The following TTC19 variants were observed in gnomAD, a reference collection of about 807,000 sequenced individuals.
The protein encoded by TTC19 is tetratricopeptide repeat protein 19, mitochondrial.
In TTC19, 38 loss-of-function variants were observed where a neutral mutation model predicts 49.5. The ratio of observed to expected loss-of-function variants is 0.77; its 90% CI spans 0.59 to 1.01. The LOEUF (loss-of-function observed/expected upper bound fraction) is 1.01. Among genes scored for constraint, TTC19 ranks in the 50% least tolerant of loss-of-function variants. The pLI is 0.00. For missense variants in TTC19, 475 were observed against 477.7 expected, an observed-to-expected ratio of 0.99 and a Z score of 0.05; for synonymous variants, 204 against 185.2, an observed-to-expected ratio of 1.10 and a Z score of -0.83.
intron 7 of TTC19, among the ~76,000 whole-genome samples, chr17:16,020,860 T>C (rs58883023): frequency 0.037 from 5,643 of 151,184 alleles, 110 homozygotes; most frequent in East Asian, 0.075. Flanking sequence ...TGGGGGGTGG[T>C]GGGGGAGAGT....
chr17:16,017,553 A>G (rs537580385), intron 7 of TTC19, among the ~76,000 whole-genome samples: 1 of 151,826 alleles, frequency 6.6e-6, no homozygotes, highest in East Asian at 1.9e-4. Context: ...TGAGGTCAGG[A>G]GTTCAAGACC....
chr17:16,006,662 G>A (rs1970918356), intron 7 of TTC19, 94 bp downstream of exon 7: 1 of 903,410 alleles, frequency 1.1e-6, no homozygotes, highest in Admixed American at 2.0e-5. Flanking sequence ...TTGGGAAGAG[G>A]GAAAGTTACC....
chr17:16,029,259 C>T lies in TTC19; in HGVS notation c.*1737C>T, dbSNP rs111771699. ...ACACTAGGAGTTTTCAGGACAGTCT[C>T]TTCATGTGGGTGTTTTCATTACAGT... On this transcript the variant is annotated 3_prime_UTR_variant, in exon 10 of 10. Coordinates refer to ENST00000261647, the MANE Select transcript of TTC19 (RefSeq NM_017775.4). 3.7e-5 allele frequency: 17 copies of T among 453,636 alleles called. No homozygotes were observed. Among genetic ancestry groups the T allele is most frequent in the African/African-American group, 2.2e-4 (11 of 49,970 alleles). 28.1% of individuals were successfully genotyped at this position (453,636 alleles called of 1,614,324 possible).
At chr17:16,005,789 A>G (rs180695830) in intron 6 of TTC19, among the ~76,000 whole-genome samples, 2 of 152,316 alleles carry the variant, frequency 1.3e-5, no homozygotes, top group Admixed American at 1.3e-4. Context: ...TGGAATCCTC[A>G]CTGTAGGGCG....
intron 7 of TTC19, among the ~76,000 whole-genome samples, chr17:16,014,782 T>C (rs1971166776): frequency 6.6e-6 from 1 of 152,234 alleles, no homozygotes; most frequent in Non-Finnish European, 1.5e-5. Flanking sequence ...AATTGTTTCC[T>C]TCCAGAGAGT....
At chr17:16,014,568 T>C (rs73978601) in intron 7 of TTC19, among the ~76,000 whole-genome samples, 2,316 of 152,302 alleles carry the variant, frequency 0.015, 67 homozygotes, top group African/African-American at 0.054. Context: ...CCGGAAATCA[T>C]GATACAGGTT....
At chr17:16,011,574 G>A (rs930478025) in intron 7 of TTC19, among the ~76,000 whole-genome samples, 5 of 152,186 alleles carry the variant, frequency 3.3e-5, no homozygotes, top group Non-Finnish European at 7.3e-5. Context: ...ATCTGTTATT[G>A]GGCATCAAGA....
rs1971600898 is a variant in TTC19 at position 16,027,402 on chromosome 17, C to T, written c.1023C>T (p.Tyr341=). 1.2e-6 allele frequency: 2 copies of T among 1,613,894 alleles called. No individual in the cohort carries two copies. Among genetic ancestry groups the T allele is most frequent in the African/African-American group, 1.3e-5 (1 of 74,906 alleles). The change falls in exon 10 of 10, where the codon TAC becomes TAT. Residue 341 remains tyrosine, a synonymous_variant. Transcript: ENST00000261647. ...RERYTQAKEI[Y]QEALKQAKLK... is the part of the protein sequence containing the mutation. ...GATATACACAAGCAAAAGAGATCTA[C>T]CAGGAAGCACTGAAGCAAGCAAAGC...
Position 16,028,721 on chromosome 17 carries a change from T to G in TTC19, c.*1199T>G, listed in dbSNP as rs769359692. The G allele has an allele frequency of 2.2e-6, 1 of 449,308 alleles. No individual in the cohort carries two copies. The highest frequency in any genetic ancestry group is 1.6e-5 in the South Asian group (1 of 64,322). 27.8% of individuals were successfully genotyped at this position (449,308 alleles called of 1,614,324 possible). Reference sequence around the variant, plus strand: ...TGGGATGTGAGTGGGACTGATAAACTGATACTTTTGGTTCGTATGTACATA... The same window carrying G: ...TGGGATGTGAGTGGGACTGATAAACGGATACTTTTGGTTCGTATGTACATA... On this transcript the variant is annotated 3_prime_UTR_variant, in exon 10 of 10. Coordinates refer to ENST00000261647, the MANE Select transcript of TTC19 (RefSeq NM_017775.4).
rs771309721 is a variant in TTC19 at position 16,028,126 on chromosome 17, T to C, written c.*604T>C. ...GTGACAGTATAGCACCCATTTGAAT[T>C]TAAATAAAAGTGAACCATATTTATC... On this transcript the variant is annotated 3_prime_UTR_variant, in exon 10 of 10. Coordinates refer to ENST00000261647, the MANE Select transcript of TTC19 (RefSeq NM_017775.4). 5 of 453,946 alleles carry C rather than the reference T, an allele frequency of 1.1e-5. No individual in the cohort carries two copies. The highest frequency in any genetic ancestry group is 2.0e-5 in the African/African-American group (1 of 49,996). The allele number at this position is 453,946 out of a possible 1,614,324, so 28.1% of individuals were successfully genotyped here. A position where few individuals can be genotyped will look rare whatever the true frequency, so the allele number is the denominator to read the frequency against.
downstream of TTC19, among the ~76,000 whole-genome samples, chr17:16,032,733 C>CAG (rs1453187274): frequency 6.6e-6 from 1 of 152,170 alleles, no homozygotes; most frequent in African/African-American, 2.4e-5. Flanking sequence ...CTGCTGAGCC[C>CAG]AGAAGAGAAA....
intron 2 of TTC19, 74 bp downstream of exon 2, chr17:16,000,319 A>G (rs1359925854): frequency 6.4e-7 from 1 of 1,572,398 alleles, no homozygotes; most frequent in South Asian, 1.1e-5. Flanking sequence ...GTTGCTGCGC[A>G]TTACTCTCTC....
chr17:16,036,446 T>C (rs1412042498), intron 2 of TTC19, among the ~76,000 whole-genome samples: 2 of 152,334 alleles, frequency 1.3e-5, no homozygotes, highest in Admixed American at 1.3e-4. Context: ...AGTCACCACC[T>C]GCATTAGCCC....
intron 7 of TTC19, among the ~76,000 whole-genome samples, chr17:16,010,342 T>G (rs1330895011): frequency 1.4e-5 from 2 of 147,972 alleles, no homozygotes; most frequent in Non-Finnish European, 3.0e-5. Context: ...CCCAGCTAAT[T>G]TTTGTGTTTT....
chr17:16,021,757 G>T (rs752933593), intron 7 of TTC19, among the ~76,000 whole-genome samples: 4 of 152,122 alleles, frequency 2.6e-5, no homozygotes, highest in Non-Finnish European at 5.9e-5. Flanking sequence ...AAATTTTGGG[G>T]GATGAGGCCT....
chr17:16,034,643 T>C (rs995276684), intron 2 of TTC19: 1 of 880,064 alleles, frequency 1.1e-6, no homozygotes, highest in African/African-American at 1.7e-5. Context: ...AACATATTAA[T>C]GATACAGAAA....
intron 7 of TTC19, among the ~76,000 whole-genome samples, chr17:16,011,758 A>G (rs9891938): frequency 0.59 from 90,123 of 152,108 alleles, 27,216 homozygotes; most frequent in African/African-American, 0.68. Context: ...GCCAAATTAC[A>G]TAATCCCTGT....
intron 3 of TTC19, among the ~76,000 whole-genome samples, chr17:16,002,264 C>T (rs780911901): frequency 2.6e-5 from 4 of 152,124 alleles, no homozygotes; most frequent in South Asian, 2.1e-4. Context: ...CTGCAGCCTC[C>T]GCCTCATGAG....
At position 16,028,422 on chromosome 17, in the gene TTC19, G is replaced by C. The variant is rs1324445298; in HGVS notation, c.*900G>C. On this transcript the variant is annotated 3_prime_UTR_variant, in exon 10 of 10. Transcript: ENST00000261647. ...CCTGGATCTTAGTCCTAGCCTTTTT[G>C]CTTTTGCAATTTCAGTATCTTCATC... is the stretch of plus-strand genomic sequence containing the variant. 1 of 453,838 alleles carries C rather than the reference G, an allele frequency of 2.2e-6. No individual in the cohort carries two copies. The allele number at this position is 453,838 out of a possible 1,614,324, so 28.1% of individuals were successfully genotyped here.
Sources: gnomAD v4.1 joint callset for allele counts (sites outside exome capture counted in the v4.1 genomes callset) on GRCh38, gnomAD v4.1.1 for gene constraint, MANE v1.5 for transcripts, NCBI Gene and HGNC (gene_info 2026-07-23, HGNC 2026-07-21) for gene names.